ATAD2B: variants seen among roughly 807,000 people sequenced by gnomAD.
The protein encoded by ATAD2B is ATPase family AAA domain-containing protein 2B.
ATAD2B carries 40 observed loss-of-function variants against 167.6 expected under a neutral mutation model. The observed-to-expected ratio is 0.24, with a 90% CI of 0.19 to 0.31. The LOEUF is 0.31. Among genes scored for constraint, ATAD2B ranks in the 10% least tolerant of loss-of-function variants. The probability of loss-of-function intolerance (pLI) is 1.00; values close to 1 mark genes in which losing one functional copy is unlikely to be tolerated. For missense variants in ATAD2B, 1,242 were observed against 1,757.2 expected (o/e 0.71, Z 5.24); for synonymous variants, 579 against 596.5 (o/e 0.97, Z 0.43).
At chr2:23,912,723 G>A (rs568706160) in intron 1 of ATAD2B, among the ~76,000 whole-genome samples, 1 of 152,212 alleles carries the variant, frequency 6.6e-6, no homozygotes, top group Admixed American at 6.5e-5. Context: ...GGGCACAATG[G>A]CTCACATCTG....
chr2:23,792,962 C>CAAA (rs36015161), intron 19 of ATAD2B, among the ~76,000 whole-genome samples: 5,567 of 42,420 alleles, frequency 0.13, 1,615 homozygotes, highest in Admixed American at 0.26. Context: ...GACTCTGTCT[C>CAAA]AAAAAAAAAA....
chr2:23,887,538 C>T (rs1698870741), intron 4 of ATAD2B, among the ~76,000 whole-genome samples: 1 of 152,094 alleles, frequency 6.6e-6, no homozygotes, highest in Non-Finnish European at 1.5e-5. Flanking sequence ...CCTCTCCAGG[C>T]TATTGTAAAG....
downstream of ATAD2B, among the ~76,000 whole-genome samples, chr2:23,745,422 A>AAAGGGAAGGG (rs373427651): frequency 7.4e-4 from 63 of 85,044 alleles, no homozygotes; most frequent in South Asian, 1.8e-3. Context: ...GGAAGGAAGG[A>AAAGGGAAGGG]AAGGGAAGGG....
At chr2:23,739,624 C>A in the ATAD2B span, among the ~76,000 whole-genome samples, 1 of 152,096 alleles carries the variant, frequency 6.6e-6, no homozygotes, top group Non-Finnish European at 1.5e-5. Context: ...GACACCCTAA[C>A]ATCACAATTA....
downstream of ATAD2B, among the ~76,000 whole-genome samples, chr2:23,744,827 T>C (rs529976727): frequency 6.6e-6 from 1 of 152,194 alleles, no homozygotes; most frequent in East Asian, 1.9e-4. Flanking sequence ...ACGAATGGGA[T>C]TGGGAATGGG....
chr2:23,736,578 AAAT>A, the ATAD2B span, among the ~76,000 whole-genome samples: 1 of 152,200 alleles, frequency 6.6e-6, no homozygotes, highest in South Asian at 2.1e-4. Flanking sequence ...GAAGATGGCC[AAAT>A]AAGAACAGCT....
chr2:23,711,637 C>T, the ATAD2B span, among the ~76,000 whole-genome samples: 1 of 152,042 alleles, frequency 6.6e-6, no homozygotes, highest in Non-Finnish European at 1.5e-5. Flanking sequence ...TCCCAAAATG[C>T]TGGGATTACA....
the ATAD2B span, among the ~76,000 whole-genome samples, chr2:23,729,032 G>C: frequency 6.6e-6 from 1 of 152,158 alleles, no homozygotes; most frequent in Non-Finnish European, 1.5e-5. Flanking sequence ...AAAGCAAGGG[G>C]AGGTGCTACA....
chr2:23,788,277 G>A (rs1681124054), intron 20 of ATAD2B: 2 of 461,388 alleles, frequency 4.3e-6, no homozygotes, highest in African/African-American at 1.9e-5. Flanking sequence ...TCTACCACAG[G>A]ATGTGGTTGA....
At chr2:23,727,103 A>G in the ATAD2B span, among the ~76,000 whole-genome samples, 2 of 152,120 alleles carry the variant, frequency 1.3e-5, no homozygotes, top group African/African-American at 4.8e-5. Context: ...ATATAATAAT[A>G]TATATAAGTT....
chr2:23,912,024 A>G (rs1367873693), intron 1 of ATAD2B, among the ~76,000 whole-genome samples: 1 of 152,042 alleles, frequency 6.6e-6, no homozygotes, highest in East Asian at 1.9e-4. Flanking sequence ...GACTTAGTGA[A>G]TATCTATAAT....
chr2:23,754,550 G>T, intron 26 of ATAD2B, 97 bp downstream of exon 26: 1 of 1,431,512 alleles, frequency 7.0e-7, no homozygotes, highest in Non-Finnish European at 9.5e-7. Flanking sequence ...TATATTTCAG[G>T]GTTAAAGCAG....
At chr2:23,843,773 C>T (rs1015072362) in intron 13 of ATAD2B, among the ~76,000 whole-genome samples, 5 of 152,148 alleles carry the variant, frequency 3.3e-5, no homozygotes, top group Non-Finnish European at 5.9e-5. Context: ...GAGTACTCTA[C>T]ACTCACAGAG....
At chr2:23,711,357 T>C in the ATAD2B span, among the ~76,000 whole-genome samples, 3,189 of 84,724 alleles carry the variant, frequency 0.038, 363 homozygotes, top group South Asian at 0.06. Context: ...TTTTTTTTTT[T>C]TTTTTTTTTT....
chr2:23,754,066 T>C (rs1675669828), intron 27 of ATAD2B, 113 bp downstream of exon 27: 2 of 827,294 alleles, frequency 2.4e-6, no homozygotes, highest in Non-Finnish European at 3.5e-6. Context: ...CAAAACATTC[T>C]TCAGCTACTT....
At chr2:23,828,351 G>A (rs1320958887) in intron 15 of ATAD2B, among the ~76,000 whole-genome samples, 2 of 152,132 alleles carry the variant, frequency 1.3e-5, no homozygotes, top group East Asian at 3.9e-4. Context: ...AAACTGGAAA[G>A]TTTTATATTT....
chr2:23,793,083 T>C (rs191929297), intron 19 of ATAD2B, among the ~76,000 whole-genome samples: 3 of 152,124 alleles, frequency 2.0e-5, no homozygotes, highest in East Asian at 1.9e-4. Context: ...TTGTATCTTA[T>C]GATCATTAAT....
At chr2:23,881,988 G>A (rs899314356) in intron 6 of ATAD2B, among the ~76,000 whole-genome samples, 1 of 152,192 alleles carries the variant, frequency 6.6e-6, no homozygotes, top group African/African-American at 2.4e-5. Context: ...CTCCCAAAGT[G>A]CTGGGATTAC....
chr2:23,882,749 GC>G, intron 6 of ATAD2B, among the ~76,000 whole-genome samples: 1 of 151,678 alleles, frequency 6.6e-6, no homozygotes, highest in East Asian at 2.0e-4. Flanking sequence ...GGCGGAGCTT[GC>G]AGTGAGCCGA....
Sources: allele counts gnomAD v4.1 joint callset (sites outside exome capture counted in the v4.1 genomes callset), GRCh38; gene constraint gnomAD v4.1.1; transcripts MANE v1.5; gene names NCBI Gene and HGNC (gene_info 2026-07-23, HGNC 2026-07-21).